The following SHB variants were observed in gnomAD, a reference collection of about 807,000 sequenced individuals.
SHB encodes the protein SH2 domain-containing adapter protein B.
In SHB, 20 loss-of-function variants were observed where a neutral mutation model predicts 52.3. That is an observed-to-expected ratio of 0.38 (90% CI 0.27 to 0.56). The LOEUF (loss-of-function observed/expected upper bound fraction) is 0.56, where lower values mean the gene tolerates loss of function less well. SHB is among the 20% of genes least tolerant of loss of function. SHB has a pLI of 0.71. For missense variants in SHB, 825 were observed against 723.3 expected, an observed-to-expected ratio of 1.14 and a Z score of -1.61; for synonymous variants, 397 against 316.5, an observed-to-expected ratio of 1.25 and a Z score of -2.70.
At chr9:38,028,697 A>C (rs1385558550) in intron 1 of SHB, among the ~76,000 whole-genome samples, 1 of 152,256 alleles carries the variant, frequency 6.6e-6, no homozygotes, top group Non-Finnish European at 1.5e-5. Flanking sequence ...TAAGGAGTCT[A>C]TTTATTCATT....
chr9:37,988,418 G>A (rs950815551), intron 2 of SHB, among the ~76,000 whole-genome samples: 2 of 152,038 alleles, frequency 1.3e-5, no homozygotes, highest in African/African-American at 2.4e-5. Flanking sequence ...TATTCACACC[G>A]GCTTCTTCTT....
At chr9:37,944,991 C>T (rs1832475959) in intron 5 of SHB, among the ~76,000 whole-genome samples, 1 of 152,206 alleles carries the variant, frequency 6.6e-6, no homozygotes, top group African/African-American at 2.4e-5. Context: ...TGACTGTTCT[C>T]ACCTCTGGAC....
chr9:38,035,682 C>A (rs1457014748), intron 1 of SHB, among the ~76,000 whole-genome samples: 1 of 152,104 alleles, frequency 6.6e-6, no homozygotes, highest in Admixed American at 6.6e-5. Flanking sequence ...AGTGGATAAT[C>A]TAGGGAGAGG....
rs1362257183 is a variant in SHB at position 37,917,734 on chromosome 9, T to C, written c.*2087A>G. On this transcript the variant is annotated 3_prime_UTR_variant, in exon 6 of 6. Transcript: ENST00000377707. Reference sequence around the variant, plus strand: ...TCGTTCCAGGGTGTCCCTGCCTTCCTCCCTCATTGAGGGATGTTTTAGGAA... The same window carrying C: ...TCGTTCCAGGGTGTCCCTGCCTTCCCCCCTCATTGAGGGATGTTTTAGGAA... Among the ~76,000 whole-genome samples the C allele has an allele frequency of 6.6e-6, 1 of 152,176 alleles. No homozygotes were observed. The highest frequency in any genetic ancestry group is 1.5e-5 in the Non-Finnish European group (1 of 68,030).
At chr9:38,055,877 G>A (rs1012875433) in intron 1 of SHB, among the ~76,000 whole-genome samples, 1 of 152,026 alleles carries the variant, frequency 6.6e-6, no homozygotes, top group Non-Finnish European at 1.5e-5. Context: ...TATCAGAGGA[G>A]GATGCCGACT....
intron 1 of SHB, among the ~76,000 whole-genome samples, chr9:38,062,056 G>A (rs552391089): frequency 1.4e-3 from 216 of 152,332 alleles, no homozygotes; most frequent in Middle Eastern, 3.4e-3. Flanking sequence ...AGCAAAGGCT[G>A]AAAGCGGAGA....
intron 2 of SHB, among the ~76,000 whole-genome samples, chr9:37,983,406 T>G (rs904746411): frequency 1.3e-5 from 2 of 152,018 alleles, no homozygotes; most frequent in Admixed American, 6.5e-5. Flanking sequence ...CAGATGGAAG[T>G]GGGTTTCTGG....
chr9:37,935,775 C>G (rs1340781718), intron 5 of SHB, among the ~76,000 whole-genome samples: 1 of 152,128 alleles, frequency 6.6e-6, no homozygotes, highest in Non-Finnish European at 1.5e-5. Context: ...AGCCACGATA[C>G]TCTATGCTTT....
chr9:38,016,114 G>A lies in SHB; in HGVS notation c.735C>T (p.Asp245=), dbSNP rs771468347. The A allele has an allele frequency of 3.7e-6, 6 of 1,614,194 alleles. No individual in the cohort carries two copies. Among genetic ancestry groups the A allele is most frequent in the Non-Finnish European group, 4.2e-6 (5 of 1,180,010 alleles). ...TCTTGGCATCAAAGGGATCTGAGTAGTCATCGGCTATGGTCACCTGCAGGG... is the reference window on the plus strand; with the variant it reads ...TCTTGGCATCAAAGGGATCTGAGTAATCATCGGCTATGGTCACCTGCAGGG... ...GKKDKVTIAD[D]YSDPFDAKND... The change falls in exon 2 of 6, where the codon GAC becomes GAT. Residue 245 remains aspartate (D), a synonymous_variant. Coordinates refer to ENST00000377707, the MANE Select transcript of SHB (RefSeq NM_003028.3).
At chr9:37,949,686 G>A (rs953648794) in intron 4 of SHB, among the ~76,000 whole-genome samples, 1 of 152,316 alleles carries the variant, frequency 6.6e-6, no homozygotes, top group Non-Finnish European at 1.5e-5. Context: ...AACCATCAGA[G>A]GGTGCTGATG....
At position 38,068,149 on chromosome 9, in the gene SHB, C is replaced by A. The variant is rs750133918; in HGVS notation, c.497G>T (p.Ser166Ile). 69 of 1,442,722 alleles carry A rather than the reference C, an allele frequency of 4.8e-5. No homozygotes were observed. The highest frequency in any genetic ancestry group is 5.9e-5 in the Non-Finnish European group (66 of 1,110,574). 89.4% of individuals were successfully genotyped at this position (1,442,722 alleles called of 1,614,324 possible). Reference protein sequence around the residue: ...SGSPHLYRSSSERRPATPAEV... With the variant: ...SGSPHLYRSSIERRPATPAEV... ...GGCCGGCGTGGCGGGCCGCCGCTCG[C>A]TGCTGCTGCGGTAGAGATGCGGAGA... Residue 166 changes from serine to isoleucine, a missense_variant, in exon 1 of 6, where the codon AGC becomes ATC. Coordinates refer to ENST00000377707, the MANE Select transcript of SHB (RefSeq NM_003028.3).
chr9:37,987,401 C>G (rs2118004658), intron 2 of SHB, among the ~76,000 whole-genome samples: 1 of 152,318 alleles, frequency 6.6e-6, no homozygotes, highest in Middle Eastern at 3.4e-3. Flanking sequence ...CAGTCTGGCT[C>G]CAAAGTCCAT....
Position 38,050,071 on chromosome 9 carries a change from G to A in SHB, c.717+17858C>T, listed in dbSNP as rs566315052. ...CTCCCAAAGTGCTGGGATTACAGGC[G>A]TAAGCCACTGCGCCCAGCCAACATT... On this transcript the variant is annotated intron_variant, in intron 1 of 5. Transcript: ENST00000377707. 3.9e-5 allele frequency among the ~76,000 whole-genome samples: 6 copies of A among 152,296 alleles called. No homozygotes were observed. The South Asian group carries it at 6.2e-4, about 16-fold the overall frequency.
chr9:37,943,671 G>A (rs192909784), intron 5 of SHB, among the ~76,000 whole-genome samples: 1 of 152,308 alleles, frequency 6.6e-6, no homozygotes, highest in Non-Finnish European at 1.5e-5. Flanking sequence ...AGGCCTCAGA[G>A]GTGCCACTCG....
rs143637435 is a variant in SHB at position 37,923,280 on chromosome 9, C to T, written c.1347-3276G>A. On this transcript the variant is annotated intron_variant, in intron 5 of 5. Coordinates refer to ENST00000377707, the MANE Select transcript of SHB (RefSeq NM_003028.3). ...AAACATCCCCTCCACGCTGATCTTC[C>T]GCCTCCACAGCGCCCATGGTGCAGG... Among the ~76,000 whole-genome samples, 576 of 152,316 alleles carry T rather than the reference C, an allele frequency of 3.8e-3. 4 individuals are homozygous for T. The highest frequency in any genetic ancestry group is 0.013 in the African/African-American group (547 of 41,552).
At chr9:38,039,982 T>A (rs576835488) in intron 1 of SHB, among the ~76,000 whole-genome samples, 1 of 152,372 alleles carries the variant, frequency 6.6e-6, no homozygotes, top group East Asian at 1.9e-4. Context: ...GAAACTGCAT[T>A]CTAGAGCTGC....
intron 1 of SHB, among the ~76,000 whole-genome samples, chr9:38,057,840 A>T (rs1227362228): frequency 6.6e-6 from 1 of 152,190 alleles, no homozygotes; most frequent in Non-Finnish European, 1.5e-5. Flanking sequence ...AATATAAGGG[A>T]CCACTTCCTA....
At chr9:37,971,191 G>A (rs1290158570) in intron 3 of SHB, among the ~76,000 whole-genome samples, 1 of 152,314 alleles carries the variant, frequency 6.6e-6, no homozygotes, top group African/African-American at 2.4e-5. Flanking sequence ...TCAAGTGTGA[G>A]TGCATACACT....
chr9:38,032,907 C>G (rs998964014), intron 1 of SHB, among the ~76,000 whole-genome samples: 2 of 152,236 alleles, frequency 1.3e-5, no homozygotes, highest in African/African-American at 4.8e-5. Flanking sequence ...GAAGGAAAAC[C>G]TGCTTCTCTA....
Sources: allele counts gnomAD v4.1 joint callset (sites outside exome capture counted in the v4.1 genomes callset), GRCh38; gene constraint gnomAD v4.1.1; transcripts MANE v1.5; gene names NCBI Gene and HGNC (gene_info 2026-07-23, HGNC 2026-07-21).